PAN3: variants seen among roughly 807,000 people sequenced by gnomAD.
PAN3 encodes poly(A) specific ribonuclease subunit PAN3.
A neutral mutation model predicts 96.2 loss-of-function variants in PAN3; 19 were observed. The ratio of observed to expected loss-of-function variants is 0.20; its 90% CI spans 0.14 to 0.29. PAN3 has a LOEUF of 0.29. Ranked by LOEUF, PAN3 falls within the 10% of genes least tolerant of loss-of-function variation. The pLI, the probability that PAN3 is intolerant of heterozygous loss-of-function variation, is 1.00. For synonymous variants in PAN3, 433 were observed against 406.6 expected, an observed-to-expected ratio of 1.06 and a Z score of -0.78; for missense variants, 882 against 1,108.1, an observed-to-expected ratio of 0.80 and a Z score of 2.90.
intron 12 of PAN3, 119 bp downstream of exon 12, chr13:28,267,520 A>C: frequency 1.2e-6 from 1 of 831,112 alleles, no homozygotes; most frequent in Non-Finnish European, 1.9e-6. Flanking sequence ...TAAAGACTCT[A>C]TTACATTTTG....
In PAN3 at chr13:28,184,394, G is replaced by C. The variant is rs1316502676; in HGVS notation, c.690+6459G>C. Reference sequence around the variant, plus strand: ...TTTGAGAGATCAAGTAATTTGCATAGAATAATATAAATTACATAGGGCAAT... The same window carrying C: ...TTTGAGAGATCAAGTAATTTGCATACAATAATATAAATTACATAGGGCAAT... On this transcript the variant is annotated intron_variant, in intron 4 of 18. Coordinates refer to ENST00000380958, the MANE Select transcript of PAN3 (RefSeq NM_175854.8). Among the ~76,000 whole-genome samples the C allele has an allele frequency of 2.0e-5, 3 of 152,194 alleles. No homozygotes were observed. In the East Asian group the frequency reaches 5.8e-4, roughly 29 times the overall value.
At position 28,292,568 on chromosome 13, in the gene PAN3, A is replaced by G. The variant is rs1869887741; in HGVS notation, c.*46A>G. On this transcript the variant is annotated 3_prime_UTR_variant, in exon 19 of 19. Transcript: ENST00000380958. ...AGGACATGGCTAAAGACCTTAACCAATAGCAAATTGCACTACAGCTGAACT... is the reference window on the plus strand; with the variant it reads ...AGGACATGGCTAAAGACCTTAACCAGTAGCAAATTGCACTACAGCTGAACT... The G allele has an allele frequency of 4.5e-6, 7 of 1,546,132 alleles. No homozygotes were observed. Among genetic ancestry groups the G allele is most frequent in the Non-Finnish European group, 5.2e-6 (6 of 1,146,044 alleles).
At chr13:28,148,501 C>A (rs2137953291) in intron 1 of PAN3, among the ~76,000 whole-genome samples, 1 of 152,184 alleles carries the variant, frequency 6.6e-6, no homozygotes, top group Middle Eastern at 3.4e-3. Context: ...AGAACAATAT[C>A]TTGTTTTTGG....
At chr13:28,259,387 A>C (rs936625177) in intron 7 of PAN3, among the ~76,000 whole-genome samples, 3 of 150,832 alleles carry the variant, frequency 2.0e-5, no homozygotes, top group Non-Finnish European at 4.4e-5. Flanking sequence ...GTGCACTGCA[A>C]CCTCCACCTC....
chr13:28,151,001 G>A (rs764178284), intron 1 of PAN3, among the ~76,000 whole-genome samples: 1 of 152,152 alleles, frequency 6.6e-6, no homozygotes. Flanking sequence ...TGTAGGAATA[G>A]GGTTGTTATA....
intron 4 of PAN3, among the ~76,000 whole-genome samples, chr13:28,179,080 C>G (rs1396730907): frequency 6.6e-6 from 1 of 152,112 alleles, no homozygotes; most frequent in Non-Finnish European, 1.5e-5. Context: ...AAGGTAATTA[C>G]AAAATGCTTT....
At chr13:28,194,464 A>AT (rs1297200533) in intron 4 of PAN3, among the ~76,000 whole-genome samples, 3,914 of 106,260 alleles carry the variant, frequency 0.037, 91 homozygotes, top group African/African-American at 0.089. Context: ...ATATATATAT[A>AT]TATTTTTTTT....
intron 6 of PAN3, among the ~76,000 whole-genome samples, chr13:28,246,266 A>G (rs1884175073): frequency 6.6e-6 from 1 of 152,024 alleles, no homozygotes; most frequent in Non-Finnish European, 1.5e-5. Flanking sequence ...TTTTTAAATC[A>G]TTGTGTGGTT....
intron 14 of PAN3, among the ~76,000 whole-genome samples, chr13:28,272,633 G>A (rs562845644): frequency 1.3e-5 from 2 of 150,768 alleles, no homozygotes; most frequent in African/African-American, 2.4e-5. Context: ...GCAATGGCGC[G>A]ATCTCAACTC....
In PAN3 at chr13:28,268,813, CT is replaced by C. The variant is rs377741153; in HGVS notation, c.1792+1421del. Reference sequence around the variant, plus strand: ...TATTACTTCTGTTTACTTGTTACTTCTTTTTTTTTGCATCCTGACAGTTGAA... The same window carrying C: ...TATTACTTCTGTTTACTTGTTACTTCTTTTTTTTGCATCCTGACAGTTGAA... On this transcript the variant is annotated intron_variant, in intron 12 of 18. Transcript: ENST00000380958. Among the ~76,000 whole-genome samples, 1,131 of 150,918 alleles carry C rather than the reference CT, an allele frequency of 7.5e-3. 12 individuals carry two copies. The highest frequency in any genetic ancestry group is 0.027 in the African/African-American group (1,093 of 41,148).
At chr13:28,165,873 G>C (rs111870734) in intron 1 of PAN3, among the ~76,000 whole-genome samples, 1 of 151,852 alleles carries the variant, frequency 6.6e-6, no homozygotes, top group African/African-American at 2.4e-5. Context: ...GCTTCATAAG[G>C]GTGCTAATTC....
intron 1 of PAN3, among the ~76,000 whole-genome samples, chr13:28,150,820 A>G (rs1216840870): frequency 1.3e-5 from 2 of 152,200 alleles, no homozygotes; most frequent in Non-Finnish European, 2.9e-5. Flanking sequence ...TTCTTAGGAT[A>G]TCTTAGTGAA....
chr13:28,285,271 A>G (rs1007472062), intron 17 of PAN3, among the ~76,000 whole-genome samples: 3 of 152,140 alleles, frequency 2.0e-5, no homozygotes, highest in African/African-American at 4.8e-5. Flanking sequence ...CCCAGTTTCT[A>G]TACTTTTAAT....
intron 4 of PAN3, among the ~76,000 whole-genome samples, chr13:28,178,911 G>A (rs1875402091): frequency 6.6e-6 from 1 of 152,038 alleles, no homozygotes; most frequent in Non-Finnish European, 1.5e-5. Context: ...AATATGTATA[G>A]CGTTTTACAT....
Position 28,138,814 on chromosome 13 carries a change from G to A in PAN3, c.157G>A (p.Ala53Thr). 3.5e-6 allele frequency: 5 copies of A among 1,412,688 alleles called. No homozygotes were observed. Among genetic ancestry groups the A allele is most frequent in the Non-Finnish European group, 4.6e-6 (5 of 1,086,182 alleles). The allele number at this position is 1,412,688 out of a possible 1,614,324, so 87.5% of individuals were successfully genotyped here. The change falls in exon 1 of 19, where the codon GCT (alanine) becomes ACT (threonine). Residue 53 changes from alanine to threonine, a missense_variant. Ala to Thr is a moderately conservative substitution (Grantham distance 58). Around this residue, in one of 3 missense-constraint regions of PAN3, gnomAD observed 442 missense variants for 422.8 expected, o/e 1.05. Coordinates refer to ENST00000380958, the MANE Select transcript of PAN3 (RefSeq NM_175854.8). Reference sequence around the variant, plus strand: ...GAAGCTGAAGTACTGCCGCTACTACGCTAAGGATAAGACTTGCTTCTACGG... The same window carrying A: ...GAAGCTGAAGTACTGCCGCTACTACACTAAGGATAAGACTTGCTTCTACGG... ...GVKLKYCRYY[A>T]KDKTCFYGEE...
chr13:28,179,945 AAAATGTTACTAG>A (rs1185433365), intron 4 of PAN3, among the ~76,000 whole-genome samples: 24 of 152,280 alleles, frequency 1.6e-4, no homozygotes, highest in South Asian at 6.2e-4. Context: ...TTAATACAAT[AAAATGTTACTAG>A]AAATGTTACT....
At chr13:28,166,952 G>A (rs934091681) in intron 1 of PAN3, among the ~76,000 whole-genome samples, 34 of 152,268 alleles carry the variant, frequency 2.2e-4, no homozygotes, top group African/African-American at 7.2e-4. Flanking sequence ...GTGGGCCTGT[G>A]GTAGGGAGTA....
intron 18 of PAN3, among the ~76,000 whole-genome samples, chr13:28,288,707 C>T (rs559703092): frequency 1.2e-4 from 18 of 152,022 alleles, no homozygotes; most frequent in South Asian, 6.2e-4. Flanking sequence ...TTTGTTATGC[C>T]GCTTAAAACA....
intron 6 of PAN3, chr13:28,239,568 G>T: frequency 7.8e-7 from 1 of 1,275,808 alleles, no homozygotes; most frequent in Non-Finnish European, 1.0e-6. Context: ...TTTGTTGGTT[G>T]TTTTCTCTAG....
Sources: gnomAD v4.1 joint callset for allele counts (sites outside exome capture counted in the v4.1 genomes callset) on GRCh38, gnomAD v4.1.1 for gene constraint, gnomAD v4.1.1 regional missense constraint, MANE v1.5 for transcripts, NCBI Gene and HGNC (gene_info 2026-07-23, HGNC 2026-07-21) for gene names.